Variants in NPAS3 observed in about 807,000 individuals in gnomAD.
NPAS3 encodes the protein neuronal PAS domain-containing protein 3.
In NPAS3, 14 loss-of-function variants were observed where a neutral mutation model predicts 73.1. That is an observed-to-expected ratio of 0.19 (90% confidence interval 0.13 to 0.30). NPAS3 has a LOEUF of 0.30. Ranked by LOEUF, NPAS3 falls within the 10% of genes least tolerant of loss-of-function variation. The pLI is 1.00. For missense variants in NPAS3, 1,096 were observed against 1,250.0 expected (o/e 0.88, Z 1.86); for synonymous variants, 620 against 541.5 (o/e 1.14, Z -2.01).
At chr14:33,241,428 C>T (rs1255305051) in intron 3 of NPAS3, among the ~76,000 whole-genome samples, 1 of 151,920 alleles carries the variant, frequency 6.6e-6, no homozygotes, top group South Asian at 2.1e-4. Context: ...TTCAGCCCAA[C>T]AATATTGGGT....
chr14:33,115,840 TG>T (rs2043046311), intron 2 of NPAS3, among the ~76,000 whole-genome samples: 2 of 152,254 alleles, frequency 1.3e-5, no homozygotes, highest in South Asian at 4.1e-4. Flanking sequence ...TCTGATGATT[TG>T]GCCCACATCA....
Position 33,618,064 on chromosome 14 carries a change from G to T in NPAS3, c.558+57854G>T, listed in dbSNP as rs138933517. The stretch of plus-strand genomic sequence containing the variant: ...AATCCTTGGATCAATTATATATAAA[G>T]AAATTAAACAATGTATTTTTTCACA... On this transcript the variant is annotated intron_variant, in intron 5 of 11. Transcript: ENST00000356141. Among the ~76,000 whole-genome samples the T allele has an allele frequency of 3.9e-4, 59 of 152,202 alleles. No individual in the cohort carries two copies. In the East Asian group the frequency reaches 0.01, roughly 27 times the overall value.
downstream of NPAS3, chr14:33,801,588 CT>C (rs2063715379): frequency 6.5e-6 from 1 of 153,670 alleles, no homozygotes; most frequent in South Asian, 2.1e-4. Context: ...TTCCTAATTC[CT>C]TTAAAAAATA....
intron 5 of NPAS3, among the ~76,000 whole-genome samples, chr14:33,669,539 T>C (rs887467277): frequency 5.9e-5 from 9 of 152,206 alleles, no homozygotes; most frequent in African/African-American, 1.9e-4. Context: ...TAGTATGGTG[T>C]GATGGAGGTA....
intron 1 of NPAS3, among the ~76,000 whole-genome samples, chr14:33,005,259 G>A (rs2095526): frequency 0.59 from 88,946 of 151,958 alleles, 27,351 homozygotes; most frequent in Non-Finnish European, 0.69. Context: ...GTAACATGTT[G>A]CGATGATAGC....
chr14:33,408,637 T>C (rs2138856090), intron 4 of NPAS3, among the ~76,000 whole-genome samples: 1 of 152,314 alleles, frequency 6.6e-6, no homozygotes, highest in South Asian at 2.1e-4. Context: ...ATGTAACTCG[T>C]GTTCTTATTA....
At chr14:33,701,809 T>C (rs1376718780) in intron 6 of NPAS3, among the ~76,000 whole-genome samples, 1 of 152,204 alleles carries the variant, frequency 6.6e-6, no homozygotes, top group Non-Finnish European at 1.5e-5. Context: ...GAGGTACAAT[T>C]TGTGATTAGG....
chr14:33,079,325 C>CTTTT lies in NPAS3; in HGVS notation c.140+23339_140+23342dup, dbSNP rs772885846. Among the ~76,000 whole-genome samples, 11 of 132,300 alleles carry CTTTT rather than the reference C, an allele frequency of 8.3e-5. 1 individual carries two copies. The South Asian group carries it at 1.0e-3, about 12-fold the overall frequency. 86.8% of individuals were successfully genotyped at this position (132,300 alleles called of 152,430 possible). ...ACTTGATTTGTACTTTTTCTTTTTC[C>CTTTT]TTTTTTTTTTTGAGACAGAGTCTTG... On this transcript the variant is annotated intron_variant, in intron 2 of 11. Coordinates refer to ENST00000356141, the Ensembl canonical transcript of NPAS3.
At chr14:33,128,008 C>A (rs1015930506) in intron 2 of NPAS3, among the ~76,000 whole-genome samples, 1 of 152,030 alleles carries the variant, frequency 6.6e-6, no homozygotes, top group Non-Finnish European at 1.5e-5. Context: ...TGGGATTCTA[C>A]CCTTGTTAAT....
intron 4 of NPAS3, among the ~76,000 whole-genome samples, chr14:33,456,511 C>T (rs779733210): frequency 2.6e-5 from 4 of 152,006 alleles, no homozygotes; most frequent in African/African-American, 4.8e-5. Context: ...TCTTTGGGCA[C>T]GATAACATTA....
intron 4 of NPAS3, among the ~76,000 whole-genome samples, chr14:33,478,514 G>A (rs575490938): frequency 6.6e-6 from 1 of 152,138 alleles, no homozygotes; most frequent in African/African-American, 2.4e-5. Flanking sequence ...ATTTAAATAT[G>A]TATATGATTA....
chr14:33,441,574 A>G (rs534660924), intron 4 of NPAS3, among the ~76,000 whole-genome samples: 68 of 152,302 alleles, frequency 4.5e-4, no homozygotes, highest in African/African-American at 1.5e-3. Flanking sequence ...TACTATTCGC[A>G]TTTTAAAAAC....
At chr14:33,448,945 GAT>G (rs1391675128) in intron 4 of NPAS3, among the ~76,000 whole-genome samples, 1 of 152,180 alleles carries the variant, frequency 6.6e-6, no homozygotes, top group African/African-American at 2.4e-5. Context: ...AGGAAACCCT[GAT>G]ATGTCTGTGG....
intron 6 of NPAS3, among the ~76,000 whole-genome samples, chr14:33,676,846 G>C (rs1049155112): frequency 6.6e-6 from 1 of 152,102 alleles, no homozygotes; most frequent in Non-Finnish European, 1.5e-5. Flanking sequence ...GTACTTGAAA[G>C]ATGTGAACAG....
chr14:33,543,993 A>ATCTATC (rs1393191586), intron 4 of NPAS3, among the ~76,000 whole-genome samples: 2 of 59,336 alleles, frequency 3.4e-5, no homozygotes, highest in Non-Finnish European at 6.1e-5. Context: ...ATATATATAT[A>ATCTATC]TATATATATC....
chr14:33,095,652 C>T (rs957998378), intron 2 of NPAS3, among the ~76,000 whole-genome samples: 1 of 134,354 alleles, frequency 7.4e-6, no homozygotes, highest in South Asian at 2.3e-4. Context: ...CGTGGGCATT[C>T]TCTGCTTTTA....
Position 32,962,144 on chromosome 14 carries a change from G to A in NPAS3, c.50+22778G>A, listed in dbSNP as rs535172550. 5.9e-5 allele frequency among the ~76,000 whole-genome samples: 9 copies of A among 152,252 alleles called. No individual in the cohort carries two copies. In the South Asian group the frequency reaches 1.9e-3, roughly 32 times the overall value. ...GAAACTGTTTCTATGTGGATTTAGG[G>A]TCTTTCTGTAATAAAGGGAAGGAGA... On this transcript the variant is annotated intron_variant, in intron 1 of 11. Transcript: ENST00000356141.
intron 3 of NPAS3, among the ~76,000 whole-genome samples, chr14:33,356,630 T>A (rs766275882): frequency 3.0e-4 from 46 of 152,216 alleles, no homozygotes; most frequent in Non-Finnish European, 6.2e-4. Flanking sequence ...GTCCCACTGA[T>A]GACACAGGGC....
chr14:33,352,955 C>T (rs1024590349), intron 3 of NPAS3, among the ~76,000 whole-genome samples: 1 of 151,864 alleles, frequency 6.6e-6, no homozygotes, highest in East Asian at 1.9e-4. Context: ...ATCTGAAAAC[C>T]TCAAAGCAGA....
Sources: allele counts gnomAD v4.1 joint callset (sites outside exome capture counted in the v4.1 genomes callset), GRCh38; gene constraint gnomAD v4.1.1; transcripts MANE v1.5; gene names NCBI Gene and HGNC (gene_info 2026-07-23, HGNC 2026-07-21).